PPFIA2: variants seen among roughly 807,000 people sequenced by gnomAD.
PPFIA2 encodes PPFI scaffold protein A2.
A neutral mutation model predicts 175.5 loss-of-function variants in PPFIA2; 46 were observed. The ratio of observed to expected loss-of-function variants is 0.26; its 90% confidence interval spans 0.21 to 0.34. The LOEUF (loss-of-function observed/expected upper bound fraction) is 0.34, where lower values mean the gene tolerates loss of function less well. Among genes scored for constraint, PPFIA2 ranks in the 10% least tolerant of loss-of-function variants. The pLI is 1.00. For synonymous variants in PPFIA2, 568 were observed against 511.4 expected, an observed-to-expected ratio of 1.11 and a Z score of -1.49; for missense variants, 1,179 against 1,506.1, an observed-to-expected ratio of 0.78 and a Z score of 3.60.
At chr12:81,658,294 A>AG (rs1491343206) in intron 4 of PPFIA2, among the ~76,000 whole-genome samples, 6 of 54,610 alleles carry the variant, frequency 1.1e-4, no homozygotes, top group Non-Finnish European at 2.1e-4. Context: ...AGAAAAGAAA[A>AG]GAAAAAAAAA....
intron 9 of PPFIA2, among the ~76,000 whole-genome samples, chr12:81,381,433 T>C (rs559251828): frequency 1.2e-4 from 18 of 152,150 alleles, no homozygotes; most frequent in African/African-American, 4.1e-4. Flanking sequence ...AAATGGGGAT[T>C]GAATGTTGGG....
intron 4 of PPFIA2, among the ~76,000 whole-genome samples, chr12:81,482,671 A>T (rs2058375117): frequency 6.6e-6 from 1 of 152,102 alleles, no homozygotes; most frequent in African/African-American, 2.4e-5. Context: ...CTCACTCATA[A>T]CGGGGAGCTG....
chr12:81,713,250 T>C (rs2078183174), intron 3 of PPFIA2, among the ~76,000 whole-genome samples: 1 of 151,130 alleles, frequency 6.6e-6, no homozygotes, highest in Admixed American at 6.8e-5. Context: ...ATGAGGCTGG[T>C]ACTATTTGTA....
intron 3 of PPFIA2, among the ~76,000 whole-genome samples, chr12:81,702,437 A>C (rs1295814918): frequency 1.3e-5 from 2 of 152,118 alleles, no homozygotes; most frequent in African/African-American, 4.8e-5. Flanking sequence ...AGTGAAATCA[A>C]TCTTGTCTAT....
chr12:81,642,670 T>C (rs1362047912), intron 4 of PPFIA2, among the ~76,000 whole-genome samples: 1 of 104,136 alleles, frequency 9.6e-6, no homozygotes, highest in Non-Finnish European at 2.0e-5. Context: ...ATTATATACA[T>C]ACATGTATGT....
chr12:81,625,278 C>T (rs2062567463), intron 4 of PPFIA2, among the ~76,000 whole-genome samples: 2 of 151,706 alleles, frequency 1.3e-5, no homozygotes, highest in African/African-American at 4.8e-5. Flanking sequence ...TGTACTTACA[C>T]ACTTTAAATG....
chr12:81,757,462 T>C lies in PPFIA2; in HGVS notation c.-3+938A>G, dbSNP rs573022513. 2.6e-5 allele frequency among the ~76,000 whole-genome samples: 4 copies of C among 152,328 alleles called. No homozygotes were observed. The East Asian group carries it at 7.7e-4, about 29-fold the overall frequency. On this transcript the variant is annotated intron_variant, in intron 2 of 32. Transcript: ENST00000549396. ...ATCTAGATATTGATGCTTTCCTCAT[T>C]AAATTACTGAAGGTTTTGAAACCTA...
intron 8 of PPFIA2, among the ~76,000 whole-genome samples, chr12:81,386,412 C>T (rs2038978464): frequency 6.6e-6 from 1 of 151,582 alleles, no homozygotes; most frequent in Non-Finnish European, 1.5e-5. Context: ...TCACTTGAGG[C>T]CAGGAGTTTG....
chr12:81,519,716 C>A (rs1356042115), intron 4 of PPFIA2, among the ~76,000 whole-genome samples: 1 of 152,170 alleles, frequency 6.6e-6, no homozygotes, highest in Non-Finnish European at 1.5e-5. Context: ...GCTATAGAAG[C>A]AAACAACACA....
intron 22 of PPFIA2, among the ~76,000 whole-genome samples, chr12:81,314,206 G>A (rs987328993): frequency 6.6e-6 from 1 of 151,782 alleles, no homozygotes. Flanking sequence ...CATATTTTGT[G>A]CTAATATATT....
intron 4 of PPFIA2, among the ~76,000 whole-genome samples, chr12:81,635,990 T>C (rs2063959288): frequency 6.6e-6 from 1 of 152,198 alleles, no homozygotes; most frequent in Non-Finnish European, 1.5e-5. Context: ...TGTATTAGTA[T>C]TTATTTATGC....
At chr12:81,458,956 C>A (rs2054056539) in intron 4 of PPFIA2, among the ~76,000 whole-genome samples, 1 of 152,054 alleles carries the variant, frequency 6.6e-6, no homozygotes, top group Non-Finnish European at 1.5e-5. Context: ...GTTTGGTTAA[C>A]CTAACCTCCA....
intron 4 of PPFIA2, among the ~76,000 whole-genome samples, chr12:81,669,224 T>G (rs1206042832): frequency 2.6e-5 from 4 of 152,002 alleles, no homozygotes; most frequent in Admixed American, 2.6e-4. Flanking sequence ...TTTCATTTGC[T>G]ATTGTCATTT....
intron 3 of PPFIA2, among the ~76,000 whole-genome samples, chr12:81,709,428 G>A (rs73149397): frequency 1.3e-5 from 2 of 151,804 alleles, no homozygotes; most frequent in Non-Finnish European, 2.9e-5. Context: ...TACACTCCAT[G>A]AGAGCATAAA....
intron 4 of PPFIA2, among the ~76,000 whole-genome samples, chr12:81,629,764 G>A (rs941784157): frequency 1.3e-5 from 2 of 152,146 alleles, no homozygotes; most frequent in Non-Finnish European, 2.9e-5. Context: ...CTAGGTCACT[G>A]TTGCCTTTAA....
chr12:81,344,225 TGTGA>T (rs2058653760), intron 19 of PPFIA2, among the ~76,000 whole-genome samples: 1 of 152,112 alleles, frequency 6.6e-6, no homozygotes, highest in Non-Finnish European at 1.5e-5. Flanking sequence ...TCTTGGGAAC[TGTGA>T]GTAACAAGCT....
Position 81,615,833 on chromosome 12 carries a change from A to G in PPFIA2, c.303+60958T>C, listed in dbSNP as rs181775909. 2.6e-5 allele frequency among the ~76,000 whole-genome samples: 4 copies of G among 152,296 alleles called. No homozygotes were observed. The East Asian group carries it at 7.7e-4, about 29-fold the overall frequency. ...CCTGGCAAAGAAAGGAGGAATAGGA[A>G]TAAGAGCATGTTGTGCTGAGGGAGA... On this transcript the variant is annotated intron_variant, in intron 4 of 32. Coordinates refer to ENST00000549396, the MANE Select transcript of PPFIA2 (RefSeq NM_003625.5).
intron 3 of PPFIA2, among the ~76,000 whole-genome samples, chr12:81,679,721 AT>A (rs1354876102): frequency 6.6e-6 from 1 of 151,970 alleles, no homozygotes; most frequent in African/African-American, 2.4e-5. Context: ...TTGTAAAAAA[AT>A]GTTTGAGTTC....
chr12:81,452,144 C>T (rs761350638), intron 5 of PPFIA2, among the ~76,000 whole-genome samples: 1 of 151,924 alleles, frequency 6.6e-6, no homozygotes, highest in Non-Finnish European at 1.5e-5. Context: ...ACACATCATG[C>T]GTCATTGGGA....
Sources: gnomAD v4.1 joint callset for allele counts (sites outside exome capture counted in the v4.1 genomes callset) on GRCh38, gnomAD v4.1.1 for gene constraint, MANE v1.5 for transcripts, NCBI Gene and HGNC (gene_info 2026-07-23, HGNC 2026-07-21) for gene names.